Variants in IRF3 observed in about 807,000 individuals in gnomAD.
The protein encoded by IRF3 is interferon regulatory factor 3.
Under a neutral mutation model 43.2 loss-of-function variants are expected in IRF3, and 29 were observed. That is an observed-to-expected ratio of 0.67 (90% CI 0.50 to 0.91). The LOEUF is 0.91. IRF3 is among the 40% of genes least tolerant of loss of function. The probability of loss-of-function intolerance (pLI) is 0.00; values close to 1 mark genes in which losing one functional copy is unlikely to be tolerated. For missense variants in IRF3, 505 were observed against 559.1 expected, an observed-to-expected ratio of 0.90 and a Z score of 0.98; for synonymous variants, 228 against 233.9, an observed-to-expected ratio of 0.97 and a Z score of 0.23.
rs781396979 is a variant in IRF3 at position 49,665,801 on chromosome 19, T to C, written c.-179A>G. 6.3e-7 allele frequency: 1 copy of C among 1,576,102 alleles called. No individual in the cohort carries two copies. Among genetic ancestry groups the C allele is most frequent in the African/African-American group, 1.4e-5 (1 of 73,658 alleles). On this transcript the variant is annotated 5_prime_UTR_variant, in exon 1 of 8. Transcript: ENST00000377139. ...GAAATAAAACCAACTTTATCATTCT[T>C]TGGGTAACAGACCCAAAAGCCGATG...
intron 7 of IRF3, 33 bp from the exon 8 acceptor site, chr19:49,659,866 A>G: frequency 6.5e-7 from 1 of 1,548,328 alleles, no homozygotes; most frequent in Non-Finnish European, 8.7e-7. Context: ...AGTCAGGGAA[A>G]ACACCCAGCC....
intron 4 of IRF3, 54 bp downstream of exon 4, chr19:49,663,134 G>A (rs576914216): frequency 6.9e-7 from 1 of 1,458,314 alleles, no homozygotes; most frequent in South Asian, 1.1e-5. Flanking sequence ...AGAGGACAAG[G>A]CCCATGGAGA....
Position 49,665,650 on chromosome 19 carries a change from C to T in IRF3, c.-28G>A. The T allele has an allele frequency of 3.8e-6, 3 of 782,084 alleles. No individual in the cohort carries two copies. The highest frequency in any genetic ancestry group is 4.0e-6 in the Non-Finnish European group (2 of 502,484). The allele number at this position is 782,084 out of a possible 1,614,324, so 48.4% of individuals were successfully genotyped here. On this transcript the variant is annotated 5_prime_UTR_variant, in exon 1 of 8. Coordinates refer to ENST00000377139, the MANE Select transcript of IRF3 (RefSeq NM_001571.6). ...CGTTACCTACGATGGAAGGTCGGGG[C>T]GTGCGGGCAGCTGGAACCCACCCCT...
chr19:49,662,724 CTG>C, intron 4 of IRF3, 107 bp from the exon 5 acceptor site: 1 of 951,664 alleles, frequency 1.1e-6, no homozygotes, highest in Non-Finnish European at 1.5e-6. Flanking sequence ...GGCTTGAGCT[CTG>C]CCTTCAAGGG....
rs777957441 is a variant in IRF3 at position 49,662,204 on chromosome 19, T to G, written c.726A>C (p.Pro242=). 1.2e-6 allele frequency: 2 copies of G among 1,614,094 alleles called. No individual in the cohort carries two copies. The highest frequency in any genetic ancestry group is 1.1e-5 in the South Asian group (1 of 91,092). Residue 242 remains proline, a synonymous_variant, in exon 6 of 8, where the codon CCA becomes CCC. Transcript: ENST00000377139. ...ACATGCCAGGGTCTGGCAGTGTGAC[T>G]GGCCATCCAGGCAGCGTCCTGTCTC... ...EVGDRTLPGW[P]VTLPDPGMSL...
At chr19:49,662,682 C>T in intron 4 of IRF3, 65 bp from the exon 5 acceptor site, 1 of 1,318,510 alleles carries the variant, frequency 7.6e-7, no homozygotes, top group Non-Finnish European at 1.0e-6. Flanking sequence ...TTCATATGGA[C>T]CAGGTCTGTT....
chr19:49,664,603 G>A (rs771138155), intron 2 of IRF3, 71 bp downstream of exon 2: 3 of 1,509,236 alleles, frequency 2.0e-6, no homozygotes. Context: ...CTTCTCAGCC[G>A]GGCCCACTAG....
intron 7 of IRF3, 92 bp from the exon 8 acceptor site, chr19:49,659,925 C>T: frequency 7.2e-7 from 1 of 1,384,770 alleles, no homozygotes; most frequent in South Asian, 1.4e-5. Context: ...CAACTCCCTG[C>T]AGCCCCTGCT....
chr19:49,664,707 C>T lies in IRF3; in HGVS notation c.132G>A (p.Gln44=). The T allele has an allele frequency of 3.1e-6, 5 of 1,614,028 alleles. No homozygotes were observed. Among genetic ancestry groups the T allele is most frequent in the Non-Finnish European group, 4.2e-6 (5 of 1,179,950 alleles). The change falls in exon 2 of 8, where the codon CAG becomes CAA. Residue 44 remains glutamine, a synonymous_variant. Coordinates refer to ENST00000377139, the MANE Select transcript of IRF3 (RefSeq NM_001571.6). ...FRIPWKHGLR[Q]DAQQEDFGIF... ...TTCCGAAATCCTCCTGCTGTGCATC[C>T]TGCCGTAGGCCGTGCTTCCAAGGGA...
intron 7 of IRF3, among the ~76,000 whole-genome samples, 159 bp from the exon 8 acceptor site, chr19:49,659,992 C>CATAT (rs1568451448): frequency 3.1e-5 from 3 of 95,344 alleles, no homozygotes; most frequent in African/African-American, 5.4e-5. Flanking sequence ...TTTACACACA[C>CATAT]ACACACACAC....
At chr19:49,664,492 C>T in intron 2 of IRF3, 182 bp downstream of exon 2, 1 of 1,553,454 alleles carries the variant, frequency 6.4e-7, no homozygotes, top group Non-Finnish European at 8.6e-7. Flanking sequence ...ACCCTGCTTG[C>T]GCCCCACCAT....
Position 49,662,542 on chromosome 19 carries a change from C to T in IRF3, c.484G>A (p.Val162Ile), listed in dbSNP as rs2081385629. 6.5e-7 allele frequency: 1 copy of T among 1,534,252 alleles called. No individual in the cohort carries two copies. Among genetic ancestry groups the T allele is most frequent in the Non-Finnish European group, 8.7e-7 (1 of 1,145,024 alleles). ...LPDPGPPSLA[V>I]APEPCPQPLR... ...GGCTGAGGGCAGGGCTCAGGGGCTA[C>T]AGCCAGGCTTGGGGGTCCCGGATCT... The change falls in exon 5 of 8, where the codon GTA becomes ATA. Residue 162 changes from valine (V) to isoleucine (I), a missense_variant. Val to Ile is a conservative substitution (Grantham distance 29). Transcript: ENST00000377139.
intron 1 of IRF3, 143 bp downstream of exon 1, chr19:49,665,488 A>T: frequency 4.3e-6 from 1 of 234,606 alleles, no homozygotes; most frequent in Non-Finnish European, 8.4e-6. Context: ...GCCGACCTCC[A>T]GCGTCGGCCA....
chr19:49,664,744 G>A lies in IRF3; in HGVS notation c.95C>T (p.Thr32Met). Residue 32 changes from threonine (T) to methionine (M), a missense_variant, in exon 2 of 8, where the codon ACG becomes ATG. Transcript: ENST00000377139. ...GTGCTTCCAAGGGATGCGGAAGCGC[G>A]TGCGGCTCTTGTTCACCCAGGCCAC... is the stretch of plus-strand genomic sequence containing the variant. ...EGVAWVNKSR[T>M]RFRIPWKHGL... 1 of 1,614,078 alleles carries A rather than the reference G, an allele frequency of 6.2e-7. No individual in the cohort carries two copies.
At chr19:49,663,045 G>C (rs925290753) in intron 4 of IRF3, 143 bp downstream of exon 4, 1 of 763,524 alleles carries the variant, frequency 1.3e-6, no homozygotes, top group Admixed American at 2.0e-5. Flanking sequence ...AGGAGACCGG[G>C]GCAGGGACAG....
rs1332720310 is a variant in IRF3, at chr19:49,660,025, ACAC to A, written c.1099-195_1099-193del. On this transcript the variant is annotated intron_variant, in intron 7 of 7. Transcript: ENST00000377139. ...CACACACACACACACACACACACAC[ACAC>A]CCCCTGCTGTAACTGAACCATAGGC... Among the ~76,000 whole-genome samples, 37 of 110,244 alleles carry A rather than the reference ACAC, an allele frequency of 3.4e-4. 4 individuals are homozygous for A. Among genetic ancestry groups the A allele is most frequent in the South Asian group, 2.1e-3 (7 of 3,318 alleles). The allele number at this position is 110,244 out of a possible 152,430, so 72.3% of individuals were successfully genotyped here.
chr19:49,665,121 C>G (rs1455460897), intron 1 of IRF3: 7 of 406,240 alleles, frequency 1.7e-5, no homozygotes. Context: ...TATAGACCTC[C>G]TCCCTCCCCC....
intron 6 of IRF3, chr19:49,661,090 A>C (rs1039863183): frequency 2.8e-5 from 13 of 463,446 alleles, no homozygotes; most frequent in Non-Finnish European, 4.6e-5. Flanking sequence ...CATGCTCCCA[A>C]GGATGCTCAG....
At position 49,663,267 on chromosome 19, in the gene IRF3, A is replaced by G. The variant is rs1443501341; in HGVS notation, c.338-9T>C. 1 of 1,614,032 alleles carries G rather than the reference A, an allele frequency of 6.2e-7. No homozygotes were observed. Among genetic ancestry groups the G allele is most frequent in the Admixed American group, 1.7e-5 (1 of 60,010 alleles). On this transcript the variant is annotated splice_polypyrimidine_tract_variant and intron_variant, in intron 3 of 7. Coordinates refer to ENST00000377139, the MANE Select transcript of IRF3 (RefSeq NM_001571.6). ...GGAAAAGTCCCCAACTCCTGTTGAG[A>G]AAAGTGGTGAGGGGAGTAGGAGTGC...
Sources: allele counts gnomAD v4.1 joint callset (sites outside exome capture counted in the v4.1 genomes callset), GRCh38; gene constraint gnomAD v4.1.1; transcripts MANE v1.5; gene names NCBI Gene and HGNC (gene_info 2026-07-23, HGNC 2026-07-21).